Variants in PRKDC observed in about 807,000 individuals in gnomAD.
The protein encoded by PRKDC is DNA-dependent protein kinase catalytic subunit.
PRKDC carries 82 observed loss-of-function variants against 486.9 expected under a neutral mutation model. That is an observed-to-expected ratio of 0.17 (90% CI 0.14 to 0.20). PRKDC has a LOEUF of 0.20. Among genes scored for constraint, PRKDC ranks in the 10% least tolerant of loss-of-function variants. PRKDC has a pLI of 1.00. For synonymous variants in PRKDC, 1,895 were observed against 1,837.0 expected (o/e 1.03, Z -0.81); for missense variants, 4,504 against 5,038.2 (o/e 0.89, Z 3.21).
At chr8:47,862,626 A>C in intron 42 of PRKDC, 85 bp from the exon 43 acceptor site, 1 of 1,327,030 alleles carries the variant, frequency 7.5e-7, no homozygotes, top group Non-Finnish European at 1.0e-6. Flanking sequence ...ACAGGACCTA[A>C]TGCCATTCAG....
intron 83 of PRKDC, 41 bp from the exon 84 acceptor site, chr8:47,777,915 G>C (rs1356634467): frequency 6.3e-7 from 1 of 1,579,522 alleles, no homozygotes; most frequent in African/African-American, 1.3e-5. Flanking sequence ...ATGTAAGCCA[G>C]AACTCTCAAA....
chr8:47,883,109 T>G (rs183953453), intron 36 of PRKDC, among the ~76,000 whole-genome samples: 9 of 152,274 alleles, frequency 5.9e-5, no homozygotes, highest in Non-Finnish European at 1.0e-4. Context: ...GTGATGAGAG[T>G]GCACAGGGAC....
At chr8:47,907,814 A>T (rs145912656) in intron 25 of PRKDC, among the ~76,000 whole-genome samples, 80 of 152,220 alleles carry the variant, frequency 5.3e-4, no homozygotes, top group African/African-American at 1.7e-3. Flanking sequence ...CACGTGTAAA[A>T]ATAAAAATAA....
At chr8:47,791,390 G>A (rs550894412) in intron 74 of PRKDC, among the ~76,000 whole-genome samples, 2 of 152,098 alleles carry the variant, frequency 1.3e-5, no homozygotes, top group East Asian at 1.9e-4. Flanking sequence ...CAGGAGAATC[G>A]CTTGAACCCG....
intron 54 of PRKDC, among the ~76,000 whole-genome samples, chr8:47,845,844 C>T (rs996833379): frequency 6.6e-6 from 1 of 152,160 alleles, no homozygotes; most frequent in Non-Finnish European, 1.5e-5. Context: ...AAGCCAGCAT[C>T]ATCCTGATAC....
chr8:47,803,418 G>A lies in PRKDC; in HGVS notation c.9810C>T (p.Asp3270=), dbSNP rs1361121924. 11 of 1,613,986 alleles carry A rather than the reference G, an allele frequency of 6.8e-6. No individual in the cohort carries two copies. The highest frequency in any genetic ancestry group is 1.6e-4 in the Middle Eastern group (1 of 6,062). ...KELHKESKTR[D]DWLVSWVQSY... ...TCTGCACCCAGCTCACCAGCCAATC[G>A]TCTCTGGTTTTTGACTCTTTATGCA... Residue 3270 remains aspartate (D), a synonymous_variant, in exon 70 of 86, where the codon GAC becomes GAT. Coordinates refer to ENST00000314191, the MANE Select transcript of PRKDC (RefSeq NM_006904.7).
intron 68 of PRKDC, among the ~76,000 whole-genome samples, chr8:47,813,135 T>TTTA (rs1563747532): frequency 5.1e-5 from 7 of 138,596 alleles, no homozygotes; most frequent in Admixed American, 2.2e-4. Context: ...TTATTTATTT[T>TTTA]GAGACAGAAT....
At chr8:47,846,312 A>G (rs2154500089) in intron 54 of PRKDC, among the ~76,000 whole-genome samples, 1 of 151,488 alleles carries the variant, frequency 6.6e-6, no homozygotes, top group South Asian at 2.1e-4. Context: ...CTTACTCAGG[A>G]GGCTGAGGCA....
In PRKDC at chr8:47,919,722, G is replaced by GT. The variant is rs1563803638; in HGVS notation, c.2420-1340_2420-1339insA. ...ATGATAAGAGAATCCAGTTTTTAGT[G>GT]GTTTTTTTTTTTTTTTTTTGAGCTC... On this transcript the variant is annotated intron_variant, in intron 21 of 85. Coordinates refer to ENST00000314191, the MANE Select transcript of PRKDC (RefSeq NM_006904.7). Among the ~76,000 whole-genome samples, 839 of 142,378 alleles carry GT rather than the reference G, an allele frequency of 5.9e-3. 9 individuals carry two copies. Among genetic ancestry groups the GT allele is most frequent in the African/African-American group, 0.021 (815 of 38,444 alleles). 93.4% of individuals were successfully genotyped at this position (142,378 alleles called of 152,430 possible).
At chr8:47,851,181 G>A (rs1292935500) in intron 52 of PRKDC, among the ~76,000 whole-genome samples, 5 of 152,076 alleles carry the variant, frequency 3.3e-5, no homozygotes, top group Non-Finnish European at 5.9e-5. Flanking sequence ...TTTATATTCA[G>A]AAAAAAATAC....
chr8:47,935,969 T>C (rs1056195138), intron 12 of PRKDC, 69 bp from the exon 13 acceptor site: 49 of 1,387,172 alleles, frequency 3.5e-5, no homozygotes, highest in Non-Finnish European at 4.8e-5. Flanking sequence ...AATACAAATA[T>C]TCAAAGTAAT....
intron 58 of PRKDC, among the ~76,000 whole-genome samples, chr8:47,835,646 A>AAG (rs1554631919): frequency 6.6e-6 from 1 of 150,588 alleles, no homozygotes; most frequent in Non-Finnish European, 1.5e-5. Context: ...AAAAAAAAAA[A>AAG]AAAGGAAAAT....
chr8:47,930,295 C>T (rs865917625), intron 17 of PRKDC, among the ~76,000 whole-genome samples: 15 of 152,282 alleles, frequency 9.9e-5, no homozygotes, highest in African/African-American at 2.9e-4. Context: ...TTTTTTGAGA[C>T]GGAGTCTCGC....
chr8:47,865,087 G>A (rs1274442555), intron 40 of PRKDC, among the ~76,000 whole-genome samples: 2 of 152,188 alleles, frequency 1.3e-5, no homozygotes, highest in Non-Finnish European at 2.9e-5. Flanking sequence ...ACATTTCTAG[G>A]ATATAAAACT....
At chr8:47,835,859 C>G (rs905836283) in intron 58 of PRKDC, among the ~76,000 whole-genome samples, 3 of 151,706 alleles carry the variant, frequency 2.0e-5, no homozygotes, top group African/African-American at 7.3e-5. Context: ...AACTTCTGGG[C>G]TCGAGCCATT....
At position 47,799,087 on chromosome 8, in the gene PRKDC, C is replaced by G. The variant is rs1446653096; in HGVS notation, c.10297+123G>C. On this transcript the variant is annotated intron_variant, in intron 72 of 85. Transcript: ENST00000314191. ...CGGCTGCCATTGTCTCTTAAAAAGA[C>G]AGTAGGATTTTCAAAATATTTGTAA... 3.9e-6 allele frequency: 5 copies of G among 1,291,420 alleles called. No individual in the cohort carries two copies. The Admixed American group carries it at 9.1e-5, about 23-fold the overall frequency. 80.0% of individuals were successfully genotyped at this position (1,291,420 alleles called of 1,614,324 possible). A position where few individuals can be genotyped will look rare whatever the true frequency, so the allele number is the denominator to read the frequency against.
rs554593641 is a variant in PRKDC at position 47,778,480 on chromosome 8, A to C, written c.11832T>G (p.His3944Gln). Reference protein sequence around the residue: ...TGGVIGIDFGHAFGSATQFLP... With the variant: ...TGGVIGIDFGQAFGSATQFLP... ...GCACCTGTGTAGCGGATCCAAACGC[A>C]TGCCCAAAGTCGATCCCGATCACGC... The change falls in exon 83 of 86, where the codon CAT becomes CAG. Residue 3944 changes from histidine to glutamine, a missense_variant. His to Gln is a conservative substitution (Grantham distance 24). Around this residue, in one of 6 missense-constraint regions of PRKDC, gnomAD observed 706 missense variants for 945.0 expected, o/e 0.75. Transcript: ENST00000314191. The C allele has an allele frequency of 6.2e-7, 1 of 1,613,254 alleles. No individual in the cohort carries two copies. The highest frequency in any genetic ancestry group is 1.1e-5 in the South Asian group (1 of 90,830).
At chr8:47,940,975 C>A (rs1205700102) in intron 10 of PRKDC, among the ~76,000 whole-genome samples, 1 of 152,028 alleles carries the variant, frequency 6.6e-6, no homozygotes, top group African/African-American at 2.4e-5. Context: ...AACAAAAATA[C>A]AAAAATTATC....
chr8:47,773,431 A>AT lies in PRKDC; in HGVS notation c.*741dup, dbSNP rs2086554534. 9.3e-6 allele frequency: 2 copies of AT among 215,946 alleles called. No homozygotes were observed. The highest frequency in any genetic ancestry group is 4.5e-5 in the African/African-American group (2 of 44,528). 13.4% of individuals were successfully genotyped at this position (215,946 alleles called of 1,614,324 possible). On this transcript the variant is annotated 3_prime_UTR_variant, in exon 86 of 86. Transcript: ENST00000314191. ...TACTATCCCTAACAACAACCATGGGATTTTTGAAGTTATCCCAAATTCAAT... is the reference window on the plus strand; with the variant it reads ...TACTATCCCTAACAACAACCATGGGATTTTTTGAAGTTATCCCAAATTCAAT...
Sources: gnomAD v4.1 joint callset for allele counts (sites outside exome capture counted in the v4.1 genomes callset) on GRCh38, gnomAD v4.1.1 for gene constraint, gnomAD v4.1.1 regional missense constraint, MANE v1.5 for transcripts, NCBI Gene and HGNC (gene_info 2026-07-23, HGNC 2026-07-21) for gene names.